Variants in MAGI2 observed in about 807,000 individuals in gnomAD.
MAGI2 encodes the protein membrane associated guanylate kinase, WW and PDZ domain containing 2.
In MAGI2, 35 loss-of-function variants were observed where a neutral mutation model predicts 133.3. That is an observed-to-expected ratio of 0.26 (90% CI 0.20 to 0.35). The LOEUF (loss-of-function observed/expected upper bound fraction) is 0.35. MAGI2 is among the 10% of genes least tolerant of loss of function. MAGI2 has a pLI of 1.00. For synonymous variants in MAGI2, 729 were observed against 710.6 expected (o/e 1.03, Z -0.41); for missense variants, 1,636 against 1,863.4 (o/e 0.88, Z 2.25).
intron 1 of MAGI2, among the ~76,000 whole-genome samples, chr7:79,072,844 G>T (rs1815113866): frequency 6.6e-6 from 1 of 152,162 alleles, no homozygotes; most frequent in Non-Finnish European, 1.5e-5. Flanking sequence ...ATATAATGAA[G>T]TGCAACTCTT....
chr7:79,235,169 G>A (rs1219557177), intron 1 of MAGI2, among the ~76,000 whole-genome samples: 9 of 152,134 alleles, frequency 5.9e-5, no homozygotes, highest in South Asian at 4.2e-4. Context: ...CTCCAGCTGC[G>A]TGTTGGGAGA....
At chr7:78,921,757 G>T (rs1022385476) in intron 2 of MAGI2, among the ~76,000 whole-genome samples, 1 of 151,800 alleles carries the variant, frequency 6.6e-6, no homozygotes, top group Non-Finnish European at 1.5e-5. Context: ...TCAGCCTCCC[G>T]AGTAACTGGG....
intron 2 of MAGI2, among the ~76,000 whole-genome samples, chr7:78,708,792 C>T (rs946107144): frequency 6.6e-6 from 1 of 152,094 alleles, no homozygotes; most frequent in Admixed American, 6.6e-5. Context: ...TGAGTAACCC[C>T]TAAGTCTCAT....
intron 5 of MAGI2, among the ~76,000 whole-genome samples, chr7:78,492,340 CA>C (rs2150498502): frequency 6.6e-6 from 1 of 152,164 alleles, no homozygotes; most frequent in South Asian, 2.1e-4. Flanking sequence ...AGCTGATCTT[CA>C]GAAATGATTC....
chr7:78,596,827 T>C (rs1455413208), intron 3 of MAGI2, among the ~76,000 whole-genome samples: 1 of 152,214 alleles, frequency 6.6e-6, no homozygotes. Context: ...CAGTGTCCAA[T>C]AGTGTAACAG....
chr7:78,412,067 G>C (rs548686961), intron 6 of MAGI2, among the ~76,000 whole-genome samples: 25 of 152,112 alleles, frequency 1.6e-4, no homozygotes, highest in South Asian at 6.2e-4. Context: ...CATTGTAAGA[G>C]AATAATATGT....
chr7:78,574,788 G>A (rs1446490134), intron 3 of MAGI2, among the ~76,000 whole-genome samples: 4 of 152,204 alleles, frequency 2.6e-5, no homozygotes, highest in African/African-American at 9.6e-5. Flanking sequence ...TTGATTACAG[G>A]AAGGTTTGAA....
chr7:78,152,610 T>C (rs1170574963), intron 16 of MAGI2, among the ~76,000 whole-genome samples: 1 of 152,268 alleles, frequency 6.6e-6, no homozygotes, highest in Non-Finnish European at 1.5e-5. Flanking sequence ...GAAAACATAT[T>C]ATATCAGCAT....
chr7:78,799,904 G>A (rs37873), intron 2 of MAGI2, among the ~76,000 whole-genome samples: 130,770 of 152,124 alleles, frequency 0.86, 56,605 homozygotes, highest in East Asian at 1. Flanking sequence ...GCTACAAAAC[G>A]TCAGCTATAG....
intron 1 of MAGI2, among the ~76,000 whole-genome samples, chr7:79,199,200 C>T (rs535551504): frequency 3.3e-5 from 5 of 152,002 alleles, no homozygotes; most frequent in Non-Finnish European, 7.4e-5. Context: ...TTTCCAACAG[C>T]GTCCAAGTAT....
intron 1 of MAGI2, among the ~76,000 whole-genome samples, chr7:79,216,986 T>C (rs1830078370): frequency 6.6e-6 from 1 of 152,120 alleles, no homozygotes; most frequent in Non-Finnish European, 1.5e-5. Context: ...ACATCATTGT[T>C]AATTGACAAA....
At chr7:79,019,228 C>T (rs1280863751) in intron 1 of MAGI2, among the ~76,000 whole-genome samples, 2 of 152,176 alleles carry the variant, frequency 1.3e-5, no homozygotes, top group East Asian at 3.9e-4. Context: ...TGTGTCCCCA[C>T]TGAAATCTCA....
At position 78,568,792 on chromosome 7, in the gene MAGI2, G is replaced by GA. The variant is rs113385342; in HGVS notation, c.539-47148dup. ...TTGTAAATTATGCCTTAATAAAGCTGAAAAAAAAACATGTAAGTCAGATCA... is the reference window on the plus strand; with the variant it reads ...TTGTAAATTATGCCTTAATAAAGCTGAAAAAAAAAACATGTAAGTCAGATCA... On this transcript the variant is annotated intron_variant, in intron 3 of 21. Transcript: ENST00000354212. 2.2e-3 allele frequency among the ~76,000 whole-genome samples: 327 copies of GA among 150,094 alleles called. 1 individual carries two copies. Among genetic ancestry groups the GA allele is most frequent in the African/African-American group, 5.6e-3 (229 of 40,896 alleles).
chr7:78,847,804 ATTTG>A (rs200483554), intron 2 of MAGI2, among the ~76,000 whole-genome samples: 4 of 151,620 alleles, frequency 2.6e-5, no homozygotes, highest in Non-Finnish European at 5.9e-5. Context: ...AATTTTATTT[ATTTG>A]TTTGTTTGTT....
At chr7:79,209,425 A>C (rs1474953127) in intron 1 of MAGI2, among the ~76,000 whole-genome samples, 4 of 152,074 alleles carry the variant, frequency 2.6e-5, no homozygotes, top group Admixed American at 2.6e-4. Context: ...AGAACTTACA[A>C]AAATAAGGAA....
chr7:78,947,502 A>T (rs1801516715), intron 2 of MAGI2, among the ~76,000 whole-genome samples: 1 of 152,150 alleles, frequency 6.6e-6, no homozygotes, highest in African/African-American at 2.4e-5. Context: ...GTTAGCCCAG[A>T]TGAAAATATG....
At chr7:78,410,854 G>T (rs1797807027) in intron 6 of MAGI2, among the ~76,000 whole-genome samples, 1 of 151,772 alleles carries the variant, frequency 6.6e-6, no homozygotes, top group Non-Finnish European at 1.5e-5. Context: ...ATCAAAAAGG[G>T]AATATAATAT....
intron 15 of MAGI2, among the ~76,000 whole-genome samples, chr7:78,161,667 T>TAAAAAAAAAAAAAAAAAAAAAAAAAAAA (rs71515391): frequency 1.9e-4 from 13 of 68,910 alleles, no homozygotes; most frequent in East Asian, 1.1e-3. Flanking sequence ...CATCGATACC[T>TAAAAAAAAAAAAAAAAAAAAAAAAAAAA]AAAAAAAAAA....
At chr7:79,011,573 A>T (rs1285708094) in intron 1 of MAGI2, among the ~76,000 whole-genome samples, 1 of 152,044 alleles carries the variant, frequency 6.6e-6, no homozygotes. Context: ...TACCTTATAA[A>T]CTTTTATCAG....
Sources: gnomAD v4.1 joint callset for allele counts (sites outside exome capture counted in the v4.1 genomes callset) on GRCh38, gnomAD v4.1.1 for gene constraint, MANE v1.5 for transcripts, NCBI Gene and HGNC (gene_info 2026-07-23, HGNC 2026-07-21) for gene names.